The following DLGAP2 variants were observed in gnomAD, a reference collection of about 807,000 sequenced individuals.
The protein encoded by DLGAP2 is DLG associated protein 2, also known as disks large-associated protein 2.
Under a neutral mutation model 100.3 loss-of-function variants are expected in DLGAP2, and 26 were observed. The observed-to-expected ratio is 0.26, with a 90% CI of 0.19 to 0.36. DLGAP2 has a LOEUF of 0.36. Among genes scored for constraint, DLGAP2 ranks in the 10% least tolerant of loss-of-function variants. DLGAP2 has a pLI of 1.00. For missense variants in DLGAP2, 1,858 were observed against 1,453.2 expected, an observed-to-expected ratio of 1.28 and a Z score of -4.53; for synonymous variants, 886 against 630.1, an observed-to-expected ratio of 1.41 and a Z score of -6.08.
At chr8:1,463,379 A>G (rs1236450846) in intron 3 of DLGAP2, among the ~76,000 whole-genome samples, 1 of 152,232 alleles carries the variant, frequency 6.6e-6, no homozygotes, top group Admixed American at 6.5e-5. Context: ...CATATGATGA[A>G]CTGACAGAGA....
At chr8:1,700,557 G>A (rs1799537886) in intron 14 of DLGAP2, among the ~76,000 whole-genome samples, 1 of 152,200 alleles carries the variant, frequency 6.6e-6, no homozygotes, top group African/African-American at 2.4e-5. Flanking sequence ...CGGCATACAC[G>A]TATTTTAGCG....
In DLGAP2 at chr8:1,678,431, C is replaced by A; in HGVS notation, c.2506C>A (p.Gln836Lys). The A allele has an allele frequency of 6.2e-7, 1 of 1,613,668 alleles. No individual in the cohort carries two copies. The highest frequency in any genetic ancestry group is 1.3e-5 in the African/African-American group (1 of 75,042). Residue 836 changes from glutamine to lysine, a missense_variant, in exon 12 of 15, where the codon CAA (glutamine) becomes AAA (lysine). Physicochemically the swap from Gln to Lys is moderately conservative, Grantham distance 53. Transcript: ENST00000637795. ...CAGCTATAGAGAAGACTATCGGACC[C>A]AAGTGGACACCTCCACCCTGCCCCC... ...LFSYREDYRT[Q>K]VDTSTLPPPD...
At chr8:1,068,145 C>A (rs1269069564) in intron 2 of DLGAP2, among the ~76,000 whole-genome samples, 2 of 152,120 alleles carry the variant, frequency 1.3e-5, no homozygotes, top group African/African-American at 2.4e-5. Context: ...CTGCTTATTT[C>A]TTTTTAGCAG....
intron 2 of DLGAP2, among the ~76,000 whole-genome samples, chr8:1,176,796 A>C (rs1013296281): frequency 6.6e-6 from 1 of 152,094 alleles, no homozygotes; most frequent in African/African-American, 2.4e-5. Context: ...TCTCGGTTGG[A>C]GGCAGGCCTG....
chr8:1,266,433 C>A (rs1442840652), intron 3 of DLGAP2, among the ~76,000 whole-genome samples: 2 of 152,198 alleles, frequency 1.3e-5, no homozygotes, highest in Non-Finnish European at 2.9e-5. Context: ...TCCTCAGAAG[C>A]TCCAAGAATC....
At chr8:1,313,490 C>T (rs1189195299) in intron 3 of DLGAP2, among the ~76,000 whole-genome samples, 2 of 152,054 alleles carry the variant, frequency 1.3e-5, no homozygotes, top group African/African-American at 4.8e-5. Context: ...ATGGTAAAGT[C>T]CGGAATTTTG....
intron 3 of DLGAP2, among the ~76,000 whole-genome samples, chr8:1,425,034 T>A (rs1797200799): frequency 6.6e-6 from 1 of 152,258 alleles, no homozygotes; most frequent in South Asian, 2.1e-4. Flanking sequence ...TATGTGTAGC[T>A]GATCTCAATT....
intron 2 of DLGAP2, among the ~76,000 whole-genome samples, chr8:1,158,015 C>T (rs1300412225): frequency 6.6e-6 from 1 of 152,228 alleles, no homozygotes; most frequent in Non-Finnish European, 1.5e-5. Context: ...ATCCTGGGCA[C>T]CAAAGTGGTT....
At chr8:756,341 C>T (rs1021075815) in intron 1 of DLGAP2, among the ~76,000 whole-genome samples, 4 of 152,056 alleles carry the variant, frequency 2.6e-5, no homozygotes, top group Non-Finnish European at 4.4e-5. Flanking sequence ...AAGACGATGT[C>T]GTTGTGGGAC....
rs554461093 is a variant in DLGAP2, at chr8:1,586,600, C to A, written c.1442+20706C>A. Among the ~76,000 whole-genome samples the A allele has an allele frequency of 8.1e-4, 124 of 152,280 alleles. 1 individual carries two copies. The highest frequency in any genetic ancestry group is 2.8e-3 in the African/African-American group (118 of 41,548). On this transcript the variant is annotated intron_variant, in intron 6 of 14. Transcript: ENST00000637795. ...ACCTTCATGCCCGCTTGATGTGTAG[C>A]GTAACGTGTTCACAGATGTGGCACC...
At chr8:1,382,175 T>C (rs1166208315) in intron 3 of DLGAP2, among the ~76,000 whole-genome samples, 2 of 152,222 alleles carry the variant, frequency 1.3e-5, no homozygotes. Context: ...GTTACATGTA[T>C]TACATGCTGT....
chr8:1,409,790 A>C (rs995982212), intron 3 of DLGAP2, among the ~76,000 whole-genome samples: 1 of 152,136 alleles, frequency 6.6e-6, no homozygotes, highest in Non-Finnish European at 1.5e-5. Context: ...TGGGACCTTC[A>C]TCTTCTCCTG....
At chr8:1,654,276 A>G (rs1798233394) in intron 8 of DLGAP2, among the ~76,000 whole-genome samples, 1 of 152,242 alleles carries the variant, frequency 6.6e-6, no homozygotes, top group Admixed American at 6.5e-5. Flanking sequence ...CAGGCCCACC[A>G]GCATCCTCCA....
At chr8:1,439,985 C>A (rs906571467) in intron 3 of DLGAP2, among the ~76,000 whole-genome samples, 1 of 152,102 alleles carries the variant, frequency 6.6e-6, no homozygotes, top group Non-Finnish European at 1.5e-5. Context: ...ATGTGCAAGT[C>A]ACCAGAGCCA....
intron 2 of DLGAP2, among the ~76,000 whole-genome samples, chr8:1,096,303 C>T (rs1804364081): frequency 6.6e-6 from 1 of 152,230 alleles, no homozygotes; most frequent in Admixed American, 6.5e-5. Flanking sequence ...CCCAAGGAAA[C>T]TTGGATGCAG....
At chr8:1,101,321 G>A (rs1311888963) in intron 2 of DLGAP2, among the ~76,000 whole-genome samples, 7 of 152,242 alleles carry the variant, frequency 4.6e-5, no homozygotes, top group African/African-American at 1.7e-4. Context: ...TTGTTGGCCA[G>A]TGTATGCTCT....
At chr8:1,698,602 T>G (rs62483153) in intron 14 of DLGAP2, among the ~76,000 whole-genome samples, 2,117 of 28,548 alleles carry the variant, frequency 0.074, 93 homozygotes, top group African/African-American at 0.24. Flanking sequence ...TAAGCCATGC[T>G]TGGGACAGGT....
intron 5 of DLGAP2, among the ~76,000 whole-genome samples, chr8:1,563,853 G>A (rs1002853902): frequency 1.3e-5 from 2 of 152,118 alleles, no homozygotes; most frequent in African/African-American, 4.8e-5. Flanking sequence ...CGGCTCACAG[G>A]CAATATGGAC....
At chr8:1,337,485 G>T in intron 3 of DLGAP2, among the ~76,000 whole-genome samples, 1 of 141,710 alleles carries the variant, frequency 7.1e-6, no homozygotes, top group Non-Finnish European at 1.6e-5. Flanking sequence ...TGGGGATGGG[G>T]ATGATAGTGG....
Sources: gnomAD v4.1 joint callset for allele counts (sites outside exome capture counted in the v4.1 genomes callset) on GRCh38, gnomAD v4.1.1 for gene constraint, MANE v1.5 for transcripts, NCBI Gene and HGNC (gene_info 2026-07-23, HGNC 2026-07-21) for gene names.